Variants in NHSL2 observed in about 807,000 individuals in gnomAD.
NHSL2 encodes the protein NHS-like protein 2.
NHSL2 carries 27 observed loss-of-function variants against 53.4 expected under a neutral mutation model. The ratio of observed to expected loss-of-function variants is 0.51; its 90% CI spans 0.37 to 0.70. The LOEUF (loss-of-function observed/expected upper bound fraction) is 0.70, where lower values mean the gene tolerates loss of function less well. Among genes scored for constraint, NHSL2 ranks in the 30% least tolerant of loss-of-function variants. The pLI, the probability that NHSL2 is intolerant of heterozygous loss-of-function variation, is 0.00. For synonymous variants in NHSL2, 408 were observed against 404.1 expected, an observed-to-expected ratio of 1.01 and a Z score of -0.12; for missense variants, 892 against 980.1, an observed-to-expected ratio of 0.91 and a Z score of 1.20.
chrX:72,003,711 A>AT (rs913896751), intron 1 of NHSL2, among the ~76,000 whole-genome samples: 6 of 111,907 alleles, frequency 5.4e-5, no homozygotes, highest in Non-Finnish European at 3.8e-5. Flanking sequence ...CTCTATAATG[A>AT]TTCAGTTGAA....
chrX:71,964,009 A>ATT (rs1556312250), intron 1 of NHSL2, among the ~76,000 whole-genome samples: 1 of 38,527 alleles, frequency 2.6e-5, no homozygotes, highest in Non-Finnish European at 4.1e-5. Context: ...ACATATATAT[A>ATT]TGTATATATA....
chrX:72,136,478 G>GAGAGAA (rs2042356680), intron 4 of NHSL2, among the ~76,000 whole-genome samples: 1 of 111,966 alleles, frequency 8.9e-6, no homozygotes, highest in South Asian at 3.7e-4. Context: ...AAAAGAGAGA[G>GAGAGAA]AGAGAAAGAG....
At chrX:72,042,553 A>C (rs1242745482) in intron 1 of NHSL2, among the ~76,000 whole-genome samples, 1 of 110,079 alleles carries the variant, frequency 9.1e-6, no homozygotes, top group Non-Finnish European at 1.9e-5. Flanking sequence ...CTAGCTCCCC[A>C]CTCTTTTTCA....
At chrX:72,055,740 A>C (rs1369673263) in intron 1 of NHSL2, among the ~76,000 whole-genome samples, 1 of 112,264 alleles carries the variant, frequency 8.9e-6, no homozygotes. Flanking sequence ...GATAACAAAA[A>C]GGGAGGTATG....
At chrX:72,063,878 G>A (rs1363630809) in intron 1 of NHSL2, among the ~76,000 whole-genome samples, 1 of 110,893 alleles carries the variant, frequency 9.0e-6, no homozygotes, top group Non-Finnish European at 1.9e-5. Flanking sequence ...GGGAAGATCA[G>A]AAAAGGCTCA....
At chrX:72,012,287 T>C (rs972404361) in intron 1 of NHSL2, among the ~76,000 whole-genome samples, 2 of 111,960 alleles carry the variant, frequency 1.8e-5, no homozygotes, top group Non-Finnish European at 3.8e-5. Context: ...TTTTTTTTTG[T>C]ATAAGGTGTG....
chrX:72,008,289 T>A (rs1433101251), intron 1 of NHSL2, among the ~76,000 whole-genome samples: 1 of 112,772 alleles, frequency 8.9e-6, no homozygotes, highest in Non-Finnish European at 1.9e-5. Flanking sequence ...GCTGTCAACC[T>A]GTGAGTCGGT....
intron 1 of NHSL2, among the ~76,000 whole-genome samples, chrX:71,969,238 A>G (rs1181210562): frequency 9.7e-6 from 1 of 103,307 alleles, no homozygotes. Context: ...AGAAATTTTT[A>G]CTTCTTTTGT....
intron 1 of NHSL2, among the ~76,000 whole-genome samples, chrX:71,952,125 C>G (rs1239051302): frequency 8.9e-6 from 1 of 112,389 alleles, no homozygotes; most frequent in African/African-American, 3.2e-5. Flanking sequence ...TCAAGCAGTT[C>G]TATGCCTTCT....
At chrX:71,911,920 A>G (rs949800468) in intron 1 of NHSL2, among the ~76,000 whole-genome samples, 4 of 111,175 alleles carry the variant, frequency 3.6e-5, no homozygotes, top group Non-Finnish European at 7.6e-5. Context: ...TCCCACTCAC[A>G]GGAGTGTCTG....
chrX:72,025,273 AT>A (rs765927839), intron 1 of NHSL2, among the ~76,000 whole-genome samples: 1 of 112,426 alleles, frequency 8.9e-6, no homozygotes, highest in East Asian at 2.8e-4. Context: ...TCTCCCACCT[AT>A]TTTTTTCCTA....
At chrX:72,104,455 C>T (rs757203186) in intron 1 of NHSL2, among the ~76,000 whole-genome samples, 1 of 111,607 alleles carries the variant, frequency 9.0e-6, no homozygotes, top group South Asian at 3.7e-4. Context: ...TTAAGAAATC[C>T]TGGATTAGAG....
intron 4 of NHSL2, among the ~76,000 whole-genome samples, chrX:72,135,068 TGG>T (rs1208059230): frequency 1.8e-5 from 2 of 112,073 alleles, no homozygotes; most frequent in Non-Finnish European, 3.8e-5. Context: ...TGCCCAGAGC[TGG>T]GTTTGGAGTA....
In NHSL2 at chrX:72,052,113, T is replaced by C. The variant is rs774327418; in HGVS notation, c.281-79966T>C. ...TTTTCCTTTGTTGCTTAGAATTCCT[T>C]CAACAAACTAAACAAATGTGTATTA... On this transcript the variant is annotated intron_variant, in intron 1 of 7. Coordinates refer to ENST00000633930, the MANE Select transcript of NHSL2 (RefSeq NM_001013627.3). Among the ~76,000 whole-genome samples, 6 of 112,480 alleles carry C rather than the reference T, an allele frequency of 5.3e-5. No individual in the cohort carries two copies. In the Admixed American group the frequency reaches 5.6e-4, roughly 11 times the overall value.
intron 1 of NHSL2, among the ~76,000 whole-genome samples, chrX:72,075,285 CT>C (rs1304681525): frequency 1.8e-5 from 2 of 112,248 alleles, no homozygotes; most frequent in Admixed American, 1.9e-4. Flanking sequence ...TCTCAAAGAC[CT>C]TGTGAAGTGT....
intron 1 of NHSL2, among the ~76,000 whole-genome samples, chrX:72,049,031 GA>G (rs1288176575): frequency 3.6e-4 from 39 of 107,639 alleles, no homozygotes; most frequent in African/African-American, 1.3e-3. Context: ...GGAAGAGGAA[GA>G]GGAAGAGGAA....
At chrX:72,088,851 G>A (rs374040780) in intron 1 of NHSL2, among the ~76,000 whole-genome samples, 2 of 112,439 alleles carry the variant, frequency 1.8e-5, no homozygotes, top group African/African-American at 3.2e-5. Context: ...TCATTGGTGC[G>A]TTGGCCTCAC....
At chrX:71,916,914 C>A (rs2041630906) in intron 1 of NHSL2, among the ~76,000 whole-genome samples, 1 of 111,780 alleles carries the variant, frequency 8.9e-6, no homozygotes, top group South Asian at 3.7e-4. Context: ...TAACAGACTT[C>A]TTGTGATAAC....
At chrX:72,020,552 G>A (rs1208073060) in intron 1 of NHSL2, among the ~76,000 whole-genome samples, 1 of 112,399 alleles carries the variant, frequency 8.9e-6, no homozygotes, top group Admixed American at 9.3e-5. Context: ...ATTATGTGGG[G>A]GCCACTAGCC....
Sources: allele counts gnomAD v4.1 joint callset (sites outside exome capture counted in the v4.1 genomes callset), GRCh38; gene constraint gnomAD v4.1.1; transcripts MANE v1.5; gene names NCBI Gene and HGNC (gene_info 2026-07-23, HGNC 2026-07-21).